Variants in DNAH8 observed in about 807,000 individuals in gnomAD.
DNAH8 encodes the protein dynein axonemal heavy chain 8.
Under a neutral mutation model 562.1 loss-of-function variants are expected in DNAH8, and 382 were observed. The observed-to-expected ratio is 0.68, with a 90% CI of 0.63 to 0.74. The LOEUF (loss-of-function observed/expected upper bound fraction) is 0.74. DNAH8 is among the 30% of genes least tolerant of loss of function. DNAH8 has a pLI of 0.00. For synonymous variants in DNAH8, 1,881 were observed against 1,919.4 expected (o/e 0.98, Z 0.52); for missense variants, 5,203 against 5,620.4 (o/e 0.93, Z 2.37).
chr6:38,760,351 A>C (rs1766366728), intron 10 of DNAH8, among the ~76,000 whole-genome samples: 2 of 152,146 alleles, frequency 1.3e-5, no homozygotes, highest in Non-Finnish European at 2.9e-5. Context: ...TGTTGAGGAG[A>C]AGCTTGGTGC....
rs1206266759 is a variant in DNAH8 at position 38,715,925 on chromosome 6, AATATATATAT to A, written c.-35+537_-35+546del. ...ATTAAAATAAATAAATAAATAAATA[AATATATATAT>A]ATATATATATATATATATATATATA... On this transcript the variant is annotated intron_variant, in intron 1 of 92. Transcript: ENST00000327475. 3.5e-4 allele frequency among the ~76,000 whole-genome samples: 13 copies of A among 36,888 alleles called. 2 individuals carry two copies. Among genetic ancestry groups the A allele is most frequent in the Admixed American group, 2.3e-3 (6 of 2,564 alleles). 24.2% of individuals were successfully genotyped at this position (36,888 alleles called of 152,430 possible).
chr6:39,006,769 A>G (rs555326968), intron 88 of DNAH8, among the ~76,000 whole-genome samples: 14 of 152,206 alleles, frequency 9.2e-5, no homozygotes, highest in Non-Finnish European at 1.9e-4. Context: ...AATTTTCAGG[A>G]AAGATTTTTC....
Position 38,853,447 on chromosome 6 carries a change from C to T in DNAH8, c.5733+100C>T, listed in dbSNP as rs1413768368. 7 of 1,328,064 alleles carry T rather than the reference C, an allele frequency of 5.3e-6. No individual in the cohort carries two copies. The African/African-American group carries it at 9.0e-5, about 17-fold the overall frequency. 82.3% of individuals were successfully genotyped at this position (1,328,064 alleles called of 1,614,324 possible). On this transcript the variant is annotated intron_variant, in intron 41 of 92. Coordinates refer to ENST00000327475, the MANE Select transcript of DNAH8 (RefSeq NM_001206927.2). ...ACCTGATGGTGTGAGGCAATTGTAG[C>T]TTTGAATTAGGTTAGAGTGGCCTAC...
intron 1 of DNAH8, among the ~76,000 whole-genome samples, chr6:38,715,960 A>ATTTTTTTTTTTT (rs869120118): frequency 2.1e-4 from 5 of 23,622 alleles, no homozygotes; most frequent in Admixed American, 1.4e-3. Flanking sequence ...ATATATATAT[A>ATTTTTTTTTTTT]TTTTTTTTTT....
At position 38,945,594 on chromosome 6, in the gene DNAH8, A is replaced by G; in HGVS notation, c.12129+6A>G. On this transcript the variant is annotated splice_donor_region_variant and intron_variant, in intron 80 of 92. Transcript: ENST00000327475. ...TTGCAGAAATTATGAACCAGGTAAT[A>G]CAATAAAGGGCTGGTTGAAAGTGCA... 6.2e-7 allele frequency: 1 copy of G among 1,613,938 alleles called. No individual in the cohort carries two copies. Among genetic ancestry groups the G allele is most frequent in the Non-Finnish European group, 8.5e-7 (1 of 1,179,892 alleles).
intron 11 of DNAH8, chr6:38,763,580 A>G (rs1766720385): frequency 5.4e-6 from 1 of 184,268 alleles, no homozygotes; most frequent in Non-Finnish European, 1.1e-5. Context: ...TTGGGAGACC[A>G]AGACGGGTGG....
rs117528014 is a variant in DNAH8, at chr6:39,014,239, A to G, written c.13714+1602A>G. On this transcript the variant is annotated intron_variant, in intron 91 of 92. Transcript: ENST00000327475. ...TTGTAAAGGGCAGCCCCCAGATTTC[A>G]CTTATCTATTTTTCTCCCAGAATTT... Among the ~76,000 whole-genome samples the G allele has an allele frequency of 0.011, 1,692 of 152,212 alleles. 111 individuals carry two copies. The East Asian group carries it at 0.16, about 14-fold the overall frequency.
chr6:38,803,451 T>C lies in DNAH8; in HGVS notation c.3034+140T>C, dbSNP rs994972147. ...AAGGTGTTCAGCATAAATCACATTG[T>C]TTGTACCAACAGTTTAAGCCCAGAG... On this transcript the variant is annotated intron_variant, in intron 22 of 92. Transcript: ENST00000327475. 3 of 585,984 alleles carry C rather than the reference T, an allele frequency of 5.1e-6. No individual in the cohort carries two copies. The African/African-American group carries it at 5.7e-5, about 11-fold the overall frequency. The allele number at this position is 585,984 out of a possible 1,614,324, so 36.3% of individuals were successfully genotyped here. A position where few individuals can be genotyped will look rare whatever the true frequency, so the allele number is the denominator to read the frequency against.
chr6:38,880,276 A>G (rs1453355832), intron 53 of DNAH8, among the ~76,000 whole-genome samples: 1 of 152,098 alleles, frequency 6.6e-6, no homozygotes, highest in Non-Finnish European at 1.5e-5. Context: ...TAGAATCCAA[A>G]AAAAGAATAC....
At position 38,723,464 on chromosome 6, in the gene DNAH8, G is replaced by C; in HGVS notation, c.518G>C (p.Cys173Ser). The C allele has an allele frequency of 6.2e-7, 1 of 1,604,082 alleles. No homozygotes were observed. Among genetic ancestry groups the C allele is most frequent in the Non-Finnish European group, 8.5e-7 (1 of 1,177,928 alleles). The change falls in exon 3 of 93, where the codon TGC (cysteine) becomes TCC (serine). Residue 173 changes from cysteine to serine, a missense_variant. Transcript: ENST00000327475. ...ACTGTTGAAGAATTAATTTTGGATTGCCCATCTGTAAGTTTAAGTCTTATC... is the reference window on the plus strand; with the variant it reads ...ACTGTTGAAGAATTAATTTTGGATTCCCCATCTGTAAGTTTAAGTCTTATC... ...IVTVEELILDCPSLEAFTNFF... is the reference protein window; with the variant it reads ...IVTVEELILDSPSLEAFTNFF...
chr6:38,718,054 T>C (rs1488872764), intron 1 of DNAH8, among the ~76,000 whole-genome samples: 1 of 152,358 alleles, frequency 6.6e-6, no homozygotes, highest in African/African-American at 2.4e-5. Context: ...TCTGCATATA[T>C]AGCTCTACCT....
Position 38,941,990 on chromosome 6 carries a change from C to T in DNAH8, c.12007+3002C>T, listed in dbSNP as rs1783499607. On this transcript the variant is annotated intron_variant, in intron 79 of 92. Coordinates refer to ENST00000327475, the MANE Select transcript of DNAH8 (RefSeq NM_001206927.2). ...GAGCTCTCGTGAATGGGGTTAGTGC[C>T]TTTATGAAAGAGGCCTGAGGGAGCT... 2.0e-5 allele frequency among the ~76,000 whole-genome samples: 3 copies of T among 152,050 alleles called. 1 individual carries two copies. In the South Asian group the frequency reaches 6.2e-4, roughly 32 times the overall value.
chr6:38,746,180 C>A (rs942510844), intron 8 of DNAH8, among the ~76,000 whole-genome samples: 1 of 152,008 alleles, frequency 6.6e-6, no homozygotes, highest in African/African-American at 2.4e-5. Flanking sequence ...TGTATTTGAT[C>A]GTTTATTTTC....
rs189052951 is a variant in DNAH8 at position 38,944,366 on chromosome 6, C to T, written c.12008-1101C>T. 2.0e-3 allele frequency among the ~76,000 whole-genome samples: 305 copies of T among 152,314 alleles called. 1 individual carries two copies. Among genetic ancestry groups the T allele is most frequent in the Non-Finnish European group, 3.8e-3 (260 of 68,028 alleles). ...TTTACATGAAAAAAGTACTTTCGTT[C>T]ATACAGCTACTCAGGACGATGCTAG... On this transcript the variant is annotated intron_variant, in intron 79 of 92. Transcript: ENST00000327475.
intron 91 of DNAH8, among the ~76,000 whole-genome samples, chr6:39,025,921 G>A (rs1213637970): frequency 1.3e-5 from 2 of 152,262 alleles, no homozygotes; most frequent in East Asian, 3.9e-4. Flanking sequence ...TTGAATGCAT[G>A]GTTTGCAAAT....
intron 8 of DNAH8, among the ~76,000 whole-genome samples, chr6:38,747,935 A>T (rs1765099341): frequency 1.3e-5 from 2 of 152,230 alleles, no homozygotes; most frequent in South Asian, 2.1e-4. Context: ...GTGAGAATTC[A>T]TCATGTTAAT....
At chr6:38,994,645 T>C (rs10947768) in intron 88 of DNAH8, among the ~76,000 whole-genome samples, 20,740 of 129,186 alleles carry the variant, frequency 0.16, 1,643 homozygotes, top group Middle Eastern at 0.25. Flanking sequence ...GTGACTTTTT[T>C]TTTCTTTTTT....
intron 24 of DNAH8, among the ~76,000 whole-genome samples, chr6:38,811,723 A>G (rs925565583): frequency 3.3e-5 from 5 of 152,054 alleles, no homozygotes; most frequent in Admixed American, 3.3e-4. Context: ...TTACCCTTAG[A>G]CATATTCACG....
chr6:38,830,435 C>T (rs1024809540), intron 30 of DNAH8, among the ~76,000 whole-genome samples: 1 of 151,410 alleles, frequency 6.6e-6, no homozygotes, highest in African/African-American at 2.4e-5. Context: ...GAGGTCGAGA[C>T]CATCCTGGCT....
Sources: gnomAD v4.1 joint callset for allele counts (sites outside exome capture counted in the v4.1 genomes callset) on GRCh38, gnomAD v4.1.1 for gene constraint, MANE v1.5 for transcripts, NCBI Gene and HGNC (gene_info 2026-07-23, HGNC 2026-07-21) for gene names.